The following ASTN2 variants were observed in gnomAD, a reference collection of about 807,000 sequenced individuals.
ASTN2 encodes astrotactin 2, also known as astrotactin-2.
ASTN2 carries 54 observed loss-of-function variants against 139.8 expected under a neutral mutation model. The ratio of observed to expected loss-of-function variants is 0.39; its 90% CI spans 0.31 to 0.48. The LOEUF (loss-of-function observed/expected upper bound fraction) is 0.48, where lower values mean the gene tolerates loss of function less well. ASTN2 is among the 20% of genes least tolerant of loss of function. The pLI is 0.95. For synonymous variants in ASTN2, 756 were observed against 719.5 expected, an observed-to-expected ratio of 1.05 and a Z score of -0.81; for missense variants, 1,565 against 1,725.1, an observed-to-expected ratio of 0.91 and a Z score of 1.64.
intron 10 of ASTN2, among the ~76,000 whole-genome samples, chr9:116,956,642 A>G (rs554521445): frequency 6.6e-6 from 1 of 152,158 alleles, no homozygotes; most frequent in African/African-American, 2.4e-5. Flanking sequence ...CCATTCATTC[A>G]TGACATAATT....
intron 5 of ASTN2, among the ~76,000 whole-genome samples, chr9:117,076,513 G>C (rs1828284505): frequency 6.6e-6 from 1 of 152,118 alleles, no homozygotes; most frequent in Admixed American, 6.5e-5. Flanking sequence ...TAATGACAAG[G>C]AGAAACCATC....
At chr9:116,609,944 A>G (rs1855446061) in intron 19 of ASTN2, among the ~76,000 whole-genome samples, 1 of 152,108 alleles carries the variant, frequency 6.6e-6, no homozygotes, top group Non-Finnish European at 1.5e-5. Flanking sequence ...GCAAACACTA[A>G]ATTTTTTTAA....
intron 1 of ASTN2, among the ~76,000 whole-genome samples, chr9:117,307,950 G>T (rs1002200151): frequency 6.6e-6 from 1 of 152,198 alleles, no homozygotes; most frequent in Non-Finnish European, 1.5e-5. Context: ...GAGCACAGAA[G>T]AGCAGAACAG....
At chr9:116,475,009 TA>T (rs1848932786) in intron 20 of ASTN2, among the ~76,000 whole-genome samples, 1 of 152,210 alleles carries the variant, frequency 6.6e-6, no homozygotes, top group African/African-American at 2.4e-5. Flanking sequence ...CTGCCTTGAC[TA>T]TGATGCCAGA....
intron 19 of ASTN2, among the ~76,000 whole-genome samples, chr9:116,505,355 T>C (rs1850063432): frequency 6.6e-6 from 1 of 152,050 alleles, no homozygotes; most frequent in Non-Finnish European, 1.5e-5. Flanking sequence ...CGCCTCCCTG[T>C]TTCCACCTCT....
intron 4 of ASTN2, among the ~76,000 whole-genome samples, chr9:117,134,536 C>A (rs1250824961): frequency 1.3e-5 from 2 of 152,022 alleles, no homozygotes; most frequent in African/African-American, 4.8e-5. Flanking sequence ...TTCCCACTGG[C>A]ACCTGCCTGG....
chr9:116,547,971 C>T (rs1367747975), intron 19 of ASTN2, among the ~76,000 whole-genome samples: 4 of 152,174 alleles, frequency 2.6e-5, no homozygotes, highest in African/African-American at 7.2e-5. Flanking sequence ...CCCCCACACA[C>T]CCTGCCCACC....
At chr9:117,094,136 A>G (rs975075725) in intron 5 of ASTN2, among the ~76,000 whole-genome samples, 1 of 21,938 alleles carries the variant, frequency 4.6e-5, no homozygotes, top group Non-Finnish European at 9.1e-5. Flanking sequence ...GGGAGGGACT[A>G]AGGGAGGGAG....
At chr9:117,195,639 G>A (rs1159806161) in intron 3 of ASTN2, among the ~76,000 whole-genome samples, 1 of 152,158 alleles carries the variant, frequency 6.6e-6, no homozygotes, top group Non-Finnish European at 1.5e-5. Flanking sequence ...TCATTGTGAA[G>A]AAGCTTGAAC....
intron 19 of ASTN2, among the ~76,000 whole-genome samples, chr9:116,521,033 T>C (rs1033850828): frequency 9.2e-5 from 14 of 152,118 alleles, no homozygotes; most frequent in Admixed American, 3.3e-4. Context: ...ATATATCCCA[T>C]GCCTATGAAT....
At chr9:116,769,589 A>C (rs1352783867) in intron 13 of ASTN2, among the ~76,000 whole-genome samples, 1 of 152,200 alleles carries the variant, frequency 6.6e-6, no homozygotes, top group Non-Finnish European at 1.5e-5. Flanking sequence ...GTATTCCTTA[A>C]AAGATTGGAG....
At chr9:116,745,682 C>T (rs1455417892) in intron 13 of ASTN2, among the ~76,000 whole-genome samples, 1 of 152,172 alleles carries the variant, frequency 6.6e-6, no homozygotes, top group Non-Finnish European at 1.5e-5. Context: ...TTGAGGCCAT[C>T]ATCCCCTCTC....
At chr9:116,464,176 T>C (rs1039010893) in intron 20 of ASTN2, among the ~76,000 whole-genome samples, 1 of 152,142 alleles carries the variant, frequency 6.6e-6, no homozygotes, top group African/African-American at 2.4e-5. Context: ...AATGTCATAA[T>C]GTATAGCTAT....
intron 1 of ASTN2, among the ~76,000 whole-genome samples, chr9:117,358,116 T>C (rs933993175): frequency 7.9e-5 from 12 of 152,186 alleles, no homozygotes; most frequent in Admixed American, 5.2e-4. Flanking sequence ...TCGATCATAC[T>C]TAGCGTTTAA....
At chr9:117,399,543 G>T (rs1173506139) in intron 1 of ASTN2, among the ~76,000 whole-genome samples, 1 of 152,160 alleles carries the variant, frequency 6.6e-6, no homozygotes, top group African/African-American at 2.4e-5. Flanking sequence ...ACTTACTTTT[G>T]CAGGCTATCT....
intron 2 of ASTN2, among the ~76,000 whole-genome samples, chr9:117,224,189 G>T (rs1361592137): frequency 2.0e-5 from 3 of 152,224 alleles, no homozygotes; most frequent in African/African-American, 7.2e-5. Flanking sequence ...TGTTAGTACA[G>T]TCATGACTCA....
intron 1 of ASTN2, among the ~76,000 whole-genome samples, chr9:117,332,959 G>A (rs1325602684): frequency 6.6e-6 from 1 of 152,180 alleles, no homozygotes; most frequent in African/African-American, 2.4e-5. Context: ...TAGACTAGTG[G>A]TTGCTTAGGG....
Position 117,262,196 on chromosome 9 carries a change from G to A in ASTN2, c.630+29130C>T, listed in dbSNP as rs112959464. ...TTTTTTTGGTGGTACCAGAGTGTGG[G>A]TATACGGGAGAAAGGAGGAGGCCAC... On this transcript the variant is annotated intron_variant, in intron 2 of 22. Coordinates refer to ENST00000313400, the MANE Select transcript of ASTN2 (RefSeq NM_001365068.1). 9.0e-3 allele frequency among the ~76,000 whole-genome samples: 1,363 copies of A among 152,116 alleles called. 12 individuals carry two copies. Among genetic ancestry groups the A allele is most frequent in the Non-Finnish European group, 0.014 (980 of 67,980 alleles).
chr9:116,699,706 G>A lies in ASTN2; in HGVS notation c.2806+26065C>T. 6.2e-7 allele frequency: 1 copy of A among 1,614,158 alleles called. No individual in the cohort carries two copies. The highest frequency in any genetic ancestry group is 8.5e-7 in the Non-Finnish European group (1 of 1,180,052). On this transcript the variant is annotated intron_variant, in intron 16 of 22. Coordinates refer to ENST00000313400, the MANE Select transcript of ASTN2 (RefSeq NM_001365068.1). The surrounding 1 kb of genome is among the most constrained non-coding windows in gnomAD (Gnocchi z 4.2). ...CTGAGAAGATATTCCACCCCATAGG[G>A]GATGAGAAATTATCAGTTTCTTCTG...
Sources: gnomAD v4.1 joint callset for allele counts (sites outside exome capture counted in the v4.1 genomes callset) on GRCh38, gnomAD v4.1.1 for gene constraint, Gnocchi (gnomAD v3.1) non-coding constraint, MANE v1.5 for transcripts, NCBI Gene and HGNC (gene_info 2026-07-23, HGNC 2026-07-21) for gene names.